NBEA: variants seen among roughly 807,000 people sequenced by gnomAD.
NBEA encodes the protein neurobeachin.
Under a neutral mutation model 343.4 loss-of-function variants are expected in NBEA, and 44 were observed. The ratio of observed to expected loss-of-function variants is 0.13; its 90% CI spans 0.10 to 0.16. The LOEUF (loss-of-function observed/expected upper bound fraction) is 0.16. Among genes scored for constraint, NBEA ranks in the 10% least tolerant of loss-of-function variants. The probability of loss-of-function intolerance (pLI) is 1.00; values close to 1 mark genes in which losing one functional copy is unlikely to be tolerated. For missense variants in NBEA, 2,555 were observed against 3,631.3 expected (o/e 0.70, Z 7.62); for synonymous variants, 1,175 against 1,238.7 (o/e 0.95, Z 1.08).
At chr13:35,584,846 G>C (rs2081223163) in intron 46 of NBEA, among the ~76,000 whole-genome samples, 2 of 151,368 alleles carry the variant, frequency 1.3e-5, no homozygotes, top group African/African-American at 4.9e-5. Context: ...CCCCACGCTG[G>C]TCTCTCACTT....
chr13:35,255,295 G>A (rs1448659443), intron 34 of NBEA, among the ~76,000 whole-genome samples: 3 of 152,224 alleles, frequency 2.0e-5, no homozygotes, highest in African/African-American at 7.2e-5. Flanking sequence ...TCCTTGGGGT[G>A]TCACTTTGCC....
chr13:35,533,662 A>G (rs2078382295), intron 41 of NBEA, among the ~76,000 whole-genome samples: 1 of 152,188 alleles, frequency 6.6e-6, no homozygotes, highest in Admixed American at 6.5e-5. Context: ...AAATATATTA[A>G]CACTCTGTTT....
intron 30 of NBEA, among the ~76,000 whole-genome samples, chr13:35,187,833 C>A (rs2071834593): frequency 6.6e-6 from 1 of 152,044 alleles, no homozygotes; most frequent in South Asian, 2.1e-4. Flanking sequence ...GCTATTCTTT[C>A]TTTTGCTCAC....
chr13:35,043,739 TAA>T (rs2062742366), intron 2 of NBEA, among the ~76,000 whole-genome samples: 2 of 152,074 alleles, frequency 1.3e-5, no homozygotes, highest in Admixed American at 1.3e-4. Flanking sequence ...ATAAGCATAC[TAA>T]GTTTCCATTT....
chr13:35,360,221 T>A (rs1246036832), intron 38 of NBEA, among the ~76,000 whole-genome samples: 1 of 151,994 alleles, frequency 6.6e-6, no homozygotes, highest in Non-Finnish European at 1.5e-5. Context: ...TGCAAAGAAC[T>A]GTGTAATTAA....
At chr13:35,364,366 G>T (rs1407738603) in intron 38 of NBEA, among the ~76,000 whole-genome samples, 1 of 151,812 alleles carries the variant, frequency 6.6e-6, no homozygotes, top group Non-Finnish European at 1.5e-5. Flanking sequence ...TGCTGGGTGG[G>T]TTCACCAAGG....
intron 1 of NBEA, among the ~76,000 whole-genome samples, chr13:35,012,702 C>T (rs1247257578): frequency 1.3e-5 from 2 of 152,120 alleles, no homozygotes; most frequent in African/African-American, 4.8e-5. Flanking sequence ...TTTTGTATAA[C>T]ATTTGAAAAT....
At chr13:35,116,439 T>C (rs1315810056) in intron 13 of NBEA, among the ~76,000 whole-genome samples, 1 of 152,118 alleles carries the variant, frequency 6.6e-6, no homozygotes, top group African/African-American at 2.4e-5. Flanking sequence ...CAAGTGTCAA[T>C]AGGAGGGGAA....
intron 16 of NBEA, among the ~76,000 whole-genome samples, chr13:35,122,342 T>C (rs1487660863): frequency 2.0e-5 from 3 of 152,040 alleles, no homozygotes; most frequent in Non-Finnish European, 2.9e-5. Flanking sequence ...AATGACAGAC[T>C]GGATTAAGAA....
intron 1 of NBEA, among the ~76,000 whole-genome samples, chr13:34,988,268 G>A (rs2060629259): frequency 6.6e-6 from 1 of 151,034 alleles, no homozygotes; most frequent in Admixed American, 6.6e-5. Flanking sequence ...CAGGGAGGAG[G>A]TAGTCTGTCT....
chr13:35,110,017 C>G (rs1235568664), intron 12 of NBEA, among the ~76,000 whole-genome samples: 10 of 121,064 alleles, frequency 8.3e-5, no homozygotes, highest in Non-Finnish European at 6.8e-5. Context: ...AAGCCCAAAT[C>G]TGAATTTTGA....
chr13:35,306,415 C>G (rs938740130), intron 35 of NBEA, among the ~76,000 whole-genome samples: 4 of 151,762 alleles, frequency 2.6e-5, no homozygotes, highest in Non-Finnish European at 4.4e-5. Flanking sequence ...CCTTTGTTTT[C>G]TATCTCTGTC....
intron 38 of NBEA, among the ~76,000 whole-genome samples, chr13:35,417,159 C>A (rs1484311026): frequency 6.6e-6 from 1 of 151,942 alleles, no homozygotes; most frequent in Non-Finnish European, 1.5e-5. Flanking sequence ...AGCAGTCTAT[C>A]AATTTTGTTG....
intron 36 of NBEA, among the ~76,000 whole-genome samples, chr13:35,322,293 G>A (rs765890106): frequency 6.6e-6 from 1 of 152,124 alleles, no homozygotes; most frequent in African/African-American, 2.4e-5. Context: ...TAGTATCTGG[G>A]CCGGAGTCCA....
intron 36 of NBEA, among the ~76,000 whole-genome samples, chr13:35,337,495 TATATC>T (rs2039334597): frequency 6.6e-6 from 1 of 152,028 alleles, no homozygotes; most frequent in Admixed American, 6.6e-5. Context: ...ACCCCTAAAA[TATATC>T]AAGCAAAAAC....
chr13:34,976,400 A>G (rs1049738903), intron 1 of NBEA, among the ~76,000 whole-genome samples: 3 of 152,092 alleles, frequency 2.0e-5, no homozygotes, highest in African/African-American at 7.2e-5. Context: ...AGAATGATAC[A>G]TTGGAGTTTG....
At chr13:35,518,838 A>G (rs2077585926) in intron 41 of NBEA, among the ~76,000 whole-genome samples, 1 of 151,834 alleles carries the variant, frequency 6.6e-6, no homozygotes, top group South Asian at 2.1e-4. Flanking sequence ...GTGTGGGGGG[A>G]AGGTTGCAGG....
At chr13:35,578,210 G>A (rs57221855) in intron 45 of NBEA, among the ~76,000 whole-genome samples, 24,457 of 152,078 alleles carry the variant, frequency 0.16, 2,358 homozygotes, top group East Asian at 0.28. Context: ...TCTGTAAAAC[G>A]TCTAGCCACT....
At chr13:35,545,383 C>T (rs1436085368) in intron 41 of NBEA, among the ~76,000 whole-genome samples, 1 of 152,200 alleles carries the variant, frequency 6.6e-6, no homozygotes, top group East Asian at 1.9e-4. Flanking sequence ...TCAAATCTCA[C>T]TCTGCCACCT....
Sources: gnomAD v4.1 joint callset for allele counts (sites outside exome capture counted in the v4.1 genomes callset) on GRCh38, gnomAD v4.1.1 for gene constraint, MANE v1.5 for transcripts, NCBI Gene and HGNC (gene_info 2026-07-23, HGNC 2026-07-21) for gene names.